SLC25A31: variants seen among roughly 807,000 people sequenced by gnomAD.
The protein encoded by SLC25A31 is ADP/ATP translocase 4.
A neutral mutation model predicts 36.2 loss-of-function variants in SLC25A31; 40 were observed. The observed-to-expected ratio is 1.10, with a 90% CI of 0.86 to 1.44. SLC25A31 has a LOEUF of 1.44. SLC25A31 is among the 40% of genes most tolerant of loss of function. The probability of loss-of-function intolerance (pLI) is 0.00; values close to 1 mark genes in which losing one functional copy is unlikely to be tolerated. For synonymous variants in SLC25A31, 143 were observed against 149.7 expected (o/e 0.96, Z 0.32); for missense variants, 350 against 397.1 (o/e 0.88, Z 1.01).
chr4:127,771,047 C>T (rs1238932056), intron 5 of SLC25A31, among the ~76,000 whole-genome samples: 1 of 149,350 alleles, frequency 6.7e-6, no homozygotes, highest in Non-Finnish European at 1.5e-5. Flanking sequence ...ACCTCTGCCT[C>T]CCAGGTTCTA....
intron 5 of SLC25A31, among the ~76,000 whole-genome samples, chr4:127,771,686 T>G (rs932894382): frequency 4.7e-4 from 71 of 152,328 alleles, no homozygotes; most frequent in African/African-American, 1.7e-3. Context: ...TTGTTCCTAA[T>G]CATACAGAAA....
intron 1 of SLC25A31, among the ~76,000 whole-genome samples, chr4:127,737,902 A>G (rs908930273): frequency 2.0e-5 from 3 of 152,098 alleles, no homozygotes; most frequent in African/African-American, 7.2e-5. Context: ...ACTCAGCAAT[A>G]TAATCATAAT....
chr4:127,757,140 A>G (rs1732046130), intron 2 of SLC25A31, among the ~76,000 whole-genome samples: 1 of 152,202 alleles, frequency 6.6e-6, no homozygotes, highest in Non-Finnish European at 1.5e-5. Context: ...GAAAGGAAGA[A>G]AATTTTAAAA....
chr4:127,735,876 A>AT (rs1560630392), intron 1 of SLC25A31, among the ~76,000 whole-genome samples: 11 of 73,758 alleles, frequency 1.5e-4, no homozygotes, highest in African/African-American at 5.2e-4. Flanking sequence ...TATTTTATTT[A>AT]TTTATTTATT....
Position 127,744,607 on chromosome 4 carries a change from T to C in SLC25A31, c.233-65T>C, listed in dbSNP as rs1440670276. ...AGATAGTTCATATAGCTAAATTTGC[T>C]AAAACTATGGCAATTGTTTAATAAT... is the stretch of plus-strand genomic sequence containing the variant. On this transcript the variant is annotated intron_variant, in intron 1 of 5. Transcript: ENST00000281154. 2.1e-6 allele frequency: 3 copies of C among 1,419,612 alleles called. No individual in the cohort carries two copies. The East Asian group carries it at 7.1e-5, about 34-fold the overall frequency. The allele number at this position is 1,419,612 out of a possible 1,614,324, so 87.9% of individuals were successfully genotyped here.
chr4:127,756,660 G>A (rs146424755), intron 2 of SLC25A31, among the ~76,000 whole-genome samples: 2 of 152,028 alleles, frequency 1.3e-5, no homozygotes, highest in African/African-American at 4.8e-5. Context: ...AATATAAATC[G>A]CAATACCACA....
chr4:127,764,346 T>C lies in SLC25A31; in HGVS notation c.464T>C (p.Val155Ala), dbSNP rs749689100. The change falls in exon 3 of 6, where the codon GTC (valine) becomes GCC (alanine). Residue 155 changes from valine (V) to alanine (A), a missense_variant. Transcript: ENST00000281154. ...GATTTTGCCCGAACCCGATTAGGTGTCGATATTGGAAAAGGTATGAGATTT... is the reference window on the plus strand; with the variant it reads ...GATTTTGCCCGAACCCGATTAGGTGCCGATATTGGAAAAGGTATGAGATTT... ...PLDFARTRLG[V>A]DIGKGPEERQ... 1 of 1,612,782 alleles carries C rather than the reference T, an allele frequency of 6.2e-7. No individual in the cohort carries two copies. The highest frequency in any genetic ancestry group is 8.5e-7 in the Non-Finnish European group (1 of 1,179,070).
chr4:127,750,305 A>G (rs2148758112), intron 2 of SLC25A31, among the ~76,000 whole-genome samples: 1 of 152,332 alleles, frequency 6.6e-6, no homozygotes, highest in South Asian at 2.1e-4. Flanking sequence ...ATAAACTCAT[A>G]AGTGGAAAAT....
In SLC25A31 at chr4:127,773,506, G is replaced by A; in HGVS notation, c.880G>A (p.Gly294Ser). The A allele has an allele frequency of 1.2e-6, 2 of 1,613,332 alleles. No individual in the cohort carries two copies. Among genetic ancestry groups the A allele is most frequent in the Non-Finnish European group, 1.7e-6 (2 of 1,179,710 alleles). The change falls in exon 6 of 6, where the codon GGT becomes AGT. Residue 294 changes from glycine (G) to serine (S), a missense_variant. Physicochemically the swap from Gly to Ser is moderately conservative, Grantham distance 56. Coordinates refer to ENST00000281154, the MANE Select transcript of SLC25A31 (RefSeq NM_031291.4). The stretch of plus-strand genomic sequence containing the variant: ...CTCCAATGTTCTTCGCGGTACAGGG[G>A]GTGCTTTGGTGTTGGTATTATATGA... ...AFSNVLRGTG[G>S]ALVLVLYDKI...
chr4:127,742,094 C>G (rs1164088626), intron 1 of SLC25A31, among the ~76,000 whole-genome samples: 1 of 151,922 alleles, frequency 6.6e-6, no homozygotes. Flanking sequence ...CACTGGATCT[C>G]AAAAAAATAA....
intron 1 of SLC25A31, among the ~76,000 whole-genome samples, chr4:127,740,161 C>T (rs1337283587): frequency 2.6e-5 from 4 of 152,076 alleles, no homozygotes; most frequent in Non-Finnish European, 4.4e-5. Flanking sequence ...GATTTCTTGC[C>T]CTATTCCTTC....
intron 3 of SLC25A31, among the ~76,000 whole-genome samples, chr4:127,766,151 TG>T (rs66816867): frequency 0.59 from 86,483 of 146,502 alleles, 25,592 homozygotes; most frequent in Middle Eastern, 0.75. Context: ...TTTTTTTATT[TG>T]TTTTTTTTTT....
chr4:127,766,055 T>A (rs1050245586), intron 3 of SLC25A31, among the ~76,000 whole-genome samples: 6 of 151,800 alleles, frequency 4.0e-5, no homozygotes, highest in African/African-American at 1.4e-4. Flanking sequence ...TGGAAAAATA[T>A]GACCCCTTCA....
At chr4:127,764,740 A>T (rs894183498) in intron 3 of SLC25A31, among the ~76,000 whole-genome samples, 6 of 152,038 alleles carry the variant, frequency 3.9e-5, no homozygotes, top group African/African-American at 1.4e-4. Flanking sequence ...CTTAAATATC[A>T]CATCTTCCCT....
chr4:127,748,720 A>T (rs1222177539), intron 2 of SLC25A31, among the ~76,000 whole-genome samples: 2 of 152,166 alleles, frequency 1.3e-5, no homozygotes, highest in African/African-American at 4.8e-5. Context: ...ATCCAACCCC[A>T]CTGAACTGCT....
intron 1 of SLC25A31, 60 bp from the exon 2 acceptor site, chr4:127,744,612 C>A: frequency 7.0e-7 from 1 of 1,435,876 alleles, no homozygotes; most frequent in Non-Finnish European, 9.3e-7. Context: ...TTTGCTAAAA[C>A]TATGGCAATT....
At chr4:127,736,281 G>A (rs1265939212) in intron 1 of SLC25A31, among the ~76,000 whole-genome samples, 2 of 152,168 alleles carry the variant, frequency 1.3e-5, no homozygotes, top group African/African-American at 4.8e-5. Context: ...TAGGTTCAGA[G>A]CAGGTTTTTC....
At chr4:127,750,950 TG>T (rs1731919835) in intron 2 of SLC25A31, among the ~76,000 whole-genome samples, 1 of 152,154 alleles carries the variant, frequency 6.6e-6, no homozygotes, top group Non-Finnish European at 1.5e-5. Context: ...AAAAACATAG[TG>T]GTAAAGGGAT....
At chr4:127,768,323 C>T (rs1039246236) in intron 4 of SLC25A31, among the ~76,000 whole-genome samples, 4 of 151,858 alleles carry the variant, frequency 2.6e-5, no homozygotes, top group Non-Finnish European at 5.9e-5. Context: ...TACTCTGTCT[C>T]TAGTTTGTTA....
Sources: gnomAD v4.1 joint callset for allele counts (sites outside exome capture counted in the v4.1 genomes callset) on GRCh38, gnomAD v4.1.1 for gene constraint, MANE v1.5 for transcripts, NCBI Gene and HGNC (gene_info 2026-07-23, HGNC 2026-07-21) for gene names.